The following RP1 variants were observed in gnomAD, a reference collection of about 807,000 sequenced individuals.
The protein encoded by RP1 is RP1 axonemal microtubule associated.
A neutral mutation model predicts 14.8 loss-of-function variants in RP1; 16 were observed. The ratio of observed to expected loss-of-function variants is 1.08; its 90% CI spans 0.73 to 1.65. The LOEUF (loss-of-function observed/expected upper bound fraction) is 1.65, where lower values mean the gene tolerates loss of function less well. Among genes scored for constraint, RP1 ranks in the 40% most tolerant of loss-of-function variants. The pLI is 0.00. For missense variants in RP1, 2,631 were observed against 2,535.0 expected (o/e 1.04, Z -0.81); for synonymous variants, 876 against 883.6 (o/e 0.99, Z 0.15).
intron 17 of RP1, among the ~76,000 whole-genome samples, chr8:54,732,829 C>A (rs974856391): frequency 1.4e-4 from 21 of 152,092 alleles, no homozygotes; most frequent in Non-Finnish European, 2.9e-4. Flanking sequence ...TTTTTGTGAT[C>A]ATTTCTGGGT....
intron 6 of RP1, among the ~76,000 whole-genome samples, chr8:54,661,306 G>GATATATATATAAGAT (rs1806892391): frequency 1.3e-5 from 1 of 79,292 alleles, no homozygotes; most frequent in Non-Finnish European, 2.2e-5. Flanking sequence ...ATATATATGA[G>GATATATATATAAGAT]ATATATATAT....
chr8:54,624,852 A>G lies in RP1; in HGVS notation c.970A>G (p.Ile324Val). 1.2e-6 allele frequency: 2 copies of G among 1,613,334 alleles called. No homozygotes were observed. The highest frequency in any genetic ancestry group is 1.7e-4 in the Middle Eastern group (1 of 6,060). The change falls in exon 4 of 4, where the codon ATT becomes GTT. Residue 324 changes from isoleucine (I) to valine (V), a missense_variant. Coordinates refer to ENST00000220676, the MANE Select transcript of RP1 (RefSeq NM_006269.2). ...TGAAGATGATATTGAGAAATCAATT[A>G]TTTTTAATCAAGACGGCACTATGAC... ...PSEDDIEKSIIFNQDGTMTVE... is the reference protein window; with the variant it reads ...PSEDDIEKSIVFNQDGTMTVE...
chr8:54,582,711 T>C (rs1317466741), intron 1 of RP1, among the ~76,000 whole-genome samples: 1 of 152,150 alleles, frequency 6.6e-6, no homozygotes, highest in Non-Finnish European at 1.5e-5. Flanking sequence ...CTTGAAGAAG[T>C]CCTTCACATA....
intron 1 of RP1, among the ~76,000 whole-genome samples, chr8:54,607,502 TGAG>T (rs1336474407): frequency 6.6e-6 from 1 of 152,148 alleles, no homozygotes; most frequent in Admixed American, 6.5e-5. Flanking sequence ...GGGACCCACT[TGAG>T]GAGGCAGTCT....
chr8:54,656,040 A>G, intron 5 of RP1: 1 of 1,397,386 alleles, frequency 7.2e-7, no homozygotes. Flanking sequence ...CACTTTGATA[A>G]AGCATTCCTA....
chr8:54,563,033 G>T (rs141040020), intron 1 of RP1, among the ~76,000 whole-genome samples: 3 of 152,320 alleles, frequency 2.0e-5, no homozygotes, highest in South Asian at 4.1e-4. Flanking sequence ...TCCCAGTAAT[G>T]ACTGTAGACT....
intron 23 of RP1, among the ~76,000 whole-genome samples, chr8:54,782,696 C>G (rs925976451): frequency 6.6e-6 from 1 of 152,032 alleles, no homozygotes. Context: ...GGGTTCATTG[C>G]TGTGGGTTGA....
At chr8:54,766,986 G>A (rs4737676) in intron 22 of RP1, among the ~76,000 whole-genome samples, 45,060 of 151,932 alleles carry the variant, frequency 0.3, 7,094 homozygotes, top group East Asian at 0.49. Flanking sequence ...TGGCTTTGGG[G>A]GAATTTTCTT....
chr8:54,755,938 T>A (rs1483148736), intron 21 of RP1, among the ~76,000 whole-genome samples: 3 of 152,150 alleles, frequency 2.0e-5, no homozygotes, highest in Non-Finnish European at 4.4e-5. Flanking sequence ...TGGAAGTTGT[T>A]CTTGCAAGAA....
chr8:54,737,405 TTAA>T lies in RP1; in HGVS notation c.2722-1537_2722-1535del, dbSNP rs1162032047. On this transcript the variant is annotated intron_variant, in intron 18 of 22. Transcript: ENST00000636932. ...TCAGATATCCCTTTATTGTTTTCAC[TTAA>T]ATTGTGGAGAAAGGAAGTTTACACT... Among the ~76,000 whole-genome samples, 3 of 152,316 alleles carry T rather than the reference TTAA, an allele frequency of 2.0e-5. No homozygotes were observed. The East Asian group carries it at 5.8e-4, about 29-fold the overall frequency.
intron 19 of RP1, among the ~76,000 whole-genome samples, chr8:54,747,105 C>T (rs1263230662): frequency 2.6e-5 from 4 of 152,298 alleles, no homozygotes; most frequent in South Asian, 2.1e-4. Context: ...CATCACTTCA[C>T]TCCAAGTTGC....
intron 21 of RP1, among the ~76,000 whole-genome samples, chr8:54,758,118 A>G (rs1809553679): frequency 1.3e-5 from 2 of 152,214 alleles, no homozygotes; most frequent in Admixed American, 1.3e-4. Context: ...ATTTTTTACC[A>G]TAGAGTAGCA....
chr8:54,606,230 C>T (rs981061625), intron 1 of RP1, among the ~76,000 whole-genome samples: 2 of 152,272 alleles, frequency 1.3e-5, no homozygotes, highest in South Asian at 4.1e-4. Context: ...TCTTTTAGGG[C>T]AGGCCTGGTG....
intron 28 of RP1, among the ~76,000 whole-genome samples, chr8:54,867,937 G>T (rs768833248): frequency 1.2e-3 from 176 of 152,142 alleles, no homozygotes; most frequent in Non-Finnish European, 2.1e-3. Flanking sequence ...TACCATATTG[G>T]CCAGTATATA....
Position 54,629,313 on chromosome 8 carries a change from C to T in RP1, c.5431C>T (p.Pro1811Ser). 6.2e-7 allele frequency: 1 copy of T among 1,613,820 alleles called. No individual in the cohort carries two copies. Among genetic ancestry groups the T allele is most frequent in the Non-Finnish European group, 8.5e-7 (1 of 1,179,846 alleles). ...TTCAGAACTCGAGGAACTGACTCAA[C>T]CCCTTGAACTAAAATGCAATTACTT... ...SSSELEELTQ[P>S]LELKCNYFNM... Residue 1811 changes from proline (P) to serine (S), a missense_variant, in exon 4 of 4, where the codon CCC becomes TCC. Coordinates refer to ENST00000220676, the MANE Select transcript of RP1 (RefSeq NM_006269.2).
chr8:54,648,766 C>G (rs1422541150), intron 3 of RP1, among the ~76,000 whole-genome samples: 1 of 152,090 alleles, frequency 6.6e-6, no homozygotes, highest in Non-Finnish European at 1.5e-5. Flanking sequence ...CACTAAAGAT[C>G]TTTTTGGAAA....
rs1268853304 is a variant in RP1 at position 54,656,278 on chromosome 8, G to A, written c.1171+63G>A. On this transcript the variant is annotated intron_variant, in intron 6 of 22. Transcript: ENST00000636932. ...TTGTTTGCCTAAATGCTGAAGGACA[G>A]GGAACCAATAAACACATGTTGAGTA... 1.1e-5 allele frequency: 16 copies of A among 1,480,506 alleles called. No individual in the cohort carries two copies. The South Asian group carries it at 1.8e-4, about 17-fold the overall frequency. 91.7% of individuals were successfully genotyped at this position (1,480,506 alleles called of 1,614,324 possible). A position where few individuals can be genotyped will look rare whatever the true frequency, so the allele number is the denominator to read the frequency against.
chr8:54,613,497 G>A (rs1240474101), upstream of RP1, among the ~76,000 whole-genome samples: 15 of 152,188 alleles, frequency 9.9e-5, no homozygotes, highest in Admixed American at 9.2e-4. Flanking sequence ...GTATTGAGCT[G>A]TTTCTGGAAA....
At chr8:54,648,893 C>T in intron 3 of RP1, 8 of 864,498 alleles carry the variant, frequency 9.3e-6, no homozygotes, top group Non-Finnish European at 1.3e-5. Flanking sequence ...TTTGTCTATC[C>T]TGAACTCTCC....
Sources: allele counts gnomAD v4.1 joint callset (sites outside exome capture counted in the v4.1 genomes callset), GRCh38; gene constraint gnomAD v4.1.1; transcripts MANE v1.5; gene names NCBI Gene and HGNC (gene_info 2026-07-23, HGNC 2026-07-21).